Variants in LY75 observed in about 807,000 individuals in gnomAD.
LY75 encodes the protein C-type lectin domain family 13 member B.
LY75 carries 185 observed loss-of-function variants against 231.7 expected under a neutral mutation model. The ratio of observed to expected loss-of-function variants is 0.80; its 90% CI spans 0.71 to 0.90. The LOEUF (loss-of-function observed/expected upper bound fraction) is 0.90, where lower values mean the gene tolerates loss of function less well. Ranked by LOEUF, LY75 falls within the 40% of genes least tolerant of loss-of-function variation. The pLI, the probability that LY75 is intolerant of heterozygous loss-of-function variation, is 0.00. For synonymous variants in LY75, 668 were observed against 689.0 expected (o/e 0.97, Z 0.48); for missense variants, 1,947 against 2,050.2 (o/e 0.95, Z 0.97).
At chr2:159,852,025 G>T (rs1218401197) in intron 21 of LY75, among the ~76,000 whole-genome samples, 176 bp downstream of exon 21, 1 of 152,216 alleles carries the variant, frequency 6.6e-6, no homozygotes, top group African/African-American at 2.4e-5. Flanking sequence ...ACCAACTTGA[G>T]AGTTAATTCT....
chr2:159,854,640 C>G, intron 17 of LY75, 105 bp from the exon 18 acceptor site: 1 of 1,359,336 alleles, frequency 7.4e-7, no homozygotes, highest in South Asian at 1.5e-5. Context: ...TTCAGATTAC[C>G]GGCCCTCTCT....
chr2:159,848,093 T>TACACACACACACACACACACAC lies in LY75; in HGVS notation c.3150+1886_3150+1887insGTGTGTGTGTGTGTGTGTGTGT, dbSNP rs773757343. The stretch of plus-strand genomic sequence containing the variant: ...GTATATATATATATATATATATATA[T>TACACACACACACACACACACAC]ACACACACACATACACACACCATAT... On this transcript the variant is annotated intron_variant, in intron 23 of 34. Coordinates refer to ENST00000263636, the MANE Select transcript of LY75 (RefSeq NM_002349.4). Among the ~76,000 whole-genome samples, 267 of 28,350 alleles carry TACACACACACACACACACACAC rather than the reference T, an allele frequency of 9.4e-3. 6 individuals carry two copies. The highest frequency in any genetic ancestry group is 0.017 in the Non-Finnish European group (211 of 12,580). 18.6% of individuals were successfully genotyped at this position (28,350 alleles called of 152,430 possible). A position where few individuals can be genotyped will look rare whatever the true frequency, so the allele number is the denominator to read the frequency against.
intron 3 of LY75, among the ~76,000 whole-genome samples, chr2:159,893,025 A>G (rs753632452): frequency 2.6e-5 from 4 of 152,186 alleles, no homozygotes; most frequent in Non-Finnish European, 5.9e-5. Context: ...TTTAAATAAA[A>G]AAAAGCCACT....
At chr2:159,823,523 C>A (rs1042271348) in intron 28 of LY75, among the ~76,000 whole-genome samples, 6 of 152,202 alleles carry the variant, frequency 3.9e-5, no homozygotes, top group African/African-American at 1.2e-4. Flanking sequence ...GGAAAACACA[C>A]TTCAGGATAT....
intron 13 of LY75, among the ~76,000 whole-genome samples, chr2:159,870,850 C>A (rs1227185289): frequency 6.6e-6 from 1 of 151,998 alleles, no homozygotes; most frequent in African/African-American, 2.4e-5. Context: ...AATCTTACTT[C>A]CTAGAGATAT....
chr2:159,840,609 T>G, intron 25 of LY75, 120 bp downstream of exon 25: 1 of 1,434,006 alleles, frequency 7.0e-7, no homozygotes, highest in Non-Finnish European at 9.3e-7. Context: ...TTCCATGAAA[T>G]TTACTGGAGT....
intron 3 of LY75, among the ~76,000 whole-genome samples, chr2:159,892,068 A>G (rs767349862): frequency 6.6e-6 from 1 of 152,216 alleles, no homozygotes; most frequent in Non-Finnish European, 1.5e-5. Flanking sequence ...TTCCCAGACC[A>G]GCATTATCAG....
chr2:159,841,903 A>G (rs1684041517), intron 24 of LY75, among the ~76,000 whole-genome samples: 1 of 152,150 alleles, frequency 6.6e-6, no homozygotes, highest in Non-Finnish European at 1.5e-5. Context: ...TTAATTAATT[A>G]TGGCAATGAT....
chr2:159,875,082 T>C (rs1348672545), intron 12 of LY75, among the ~76,000 whole-genome samples: 5 of 149,788 alleles, frequency 3.3e-5, no homozygotes, highest in Non-Finnish European at 7.4e-5. Flanking sequence ...ATATATACAC[T>C]TTTTTTACAT....
At chr2:159,836,939 A>G (rs1683850015) in intron 25 of LY75, among the ~76,000 whole-genome samples, 1 of 152,230 alleles carries the variant, frequency 6.6e-6, no homozygotes, top group African/African-American at 2.4e-5. Context: ...TTTTTACTGA[A>G]TACAAAGTAT....
At chr2:159,829,549 A>C (rs967688681) in intron 28 of LY75, among the ~76,000 whole-genome samples, 76 of 152,268 alleles carry the variant, frequency 5.0e-4, no homozygotes, top group Non-Finnish European at 8.4e-4. Flanking sequence ...CAACGTAACC[A>C]AAAACAGTGA....
chr2:159,816,723 TTTGTG>T, intron 30 of LY75, 78 bp downstream of exon 30: 1 of 1,559,412 alleles, frequency 6.4e-7, no homozygotes, highest in Non-Finnish European at 8.7e-7. Context: ...AATGTTGTAC[TTTGTG>T]TTAATACTTT....
intron 30 of LY75, 74 bp from the exon 31 acceptor site, chr2:159,815,647 T>A: frequency 6.7e-7 from 1 of 1,502,652 alleles, no homozygotes; most frequent in Non-Finnish European, 9.0e-7. Context: ...ACAACATACA[T>A]ACTTTAAGAA....
At chr2:159,812,412 G>GGTTTT (rs1682988747) in intron 31 of LY75, 1 of 151,004 alleles carries the variant, frequency 6.6e-6, no homozygotes, top group South Asian at 2.1e-4. Flanking sequence ...TAACCATTTT[G>GGTTTT]GTTTTGTTTT....
At chr2:159,885,078 A>G in intron 6 of LY75, 75 bp downstream of exon 6, 2 of 1,554,746 alleles carry the variant, frequency 1.3e-6, no homozygotes, top group Non-Finnish European at 1.7e-6. Flanking sequence ...GATGTTGGAA[A>G]AGATTTACTT....
At chr2:159,839,999 C>T (rs567403759) in intron 25 of LY75, among the ~76,000 whole-genome samples, 82 of 4,310 alleles carry the variant, frequency 0.019, no homozygotes, top group African/African-American at 0.16. Flanking sequence ...GAACAAGAAC[C>T]TGTCTCAAAA....
rs1451757373 is a variant in LY75, at chr2:159,817,076, C to T, written c.4154-44G>A. 2.7e-6 allele frequency: 4 copies of T among 1,499,924 alleles called. No individual in the cohort carries two copies. In the Admixed American group the frequency reaches 6.8e-5, roughly 26 times the overall value. 92.9% of individuals were successfully genotyped at this position (1,499,924 alleles called of 1,614,324 possible). A position where few individuals can be genotyped will look rare whatever the true frequency, so the allele number is the denominator to read the frequency against. ...CTGGTGATTAAAATTTAAATTATTT[C>T]AAATACATCTTTTGGATGAGACAAC... is the stretch of plus-strand genomic sequence containing the variant. On this transcript the variant is annotated intron_variant, in intron 29 of 34. Coordinates refer to ENST00000263636, the MANE Select transcript of LY75 (RefSeq NM_002349.4).
At chr2:159,815,024 G>A (rs62175228) in intron 31 of LY75, among the ~76,000 whole-genome samples, 5 of 132,460 alleles carry the variant, frequency 3.8e-5, no homozygotes, top group East Asian at 2.2e-4. Flanking sequence ...TTTTTGAGAC[G>A]GAGTCTTGCT....
chr2:159,824,574 G>C (rs1412802442), intron 28 of LY75, among the ~76,000 whole-genome samples: 2 of 152,110 alleles, frequency 1.3e-5, no homozygotes, highest in Admixed American at 1.3e-4. Flanking sequence ...AAATTAACAA[G>C]GATATTCAGG....
Sources: allele counts gnomAD v4.1 joint callset (sites outside exome capture counted in the v4.1 genomes callset), GRCh38; gene constraint gnomAD v4.1.1; transcripts MANE v1.5; gene names NCBI Gene and HGNC (gene_info 2026-07-23, HGNC 2026-07-21).